Variants in RIMBP2 observed in about 807,000 individuals in gnomAD.
The protein encoded by RIMBP2 is RIMS-binding protein 2.
A neutral mutation model predicts 118.6 loss-of-function variants in RIMBP2; 48 were observed. The observed-to-expected ratio is 0.40, with a 90% CI of 0.32 to 0.51. The LOEUF (loss-of-function observed/expected upper bound fraction) is 0.51, where lower values mean the gene tolerates loss of function less well. Ranked by LOEUF, RIMBP2 falls within the 20% of genes least tolerant of loss-of-function variation. RIMBP2 has a pLI of 0.41. For missense variants in RIMBP2, 1,551 were observed against 1,768.3 expected (o/e 0.88, Z 2.20); for synonymous variants, 762 against 742.9 (o/e 1.03, Z -0.42).
At chr12:130,488,085 G>T (rs2082632678) in intron 4 of RIMBP2, among the ~76,000 whole-genome samples, 1 of 152,140 alleles carries the variant, frequency 6.6e-6, no homozygotes, top group South Asian at 2.1e-4. Context: ...TTGAGTGGAG[G>T]ATTCATCCTG....
At chr12:130,708,319 C>A (rs182679025) in intron 1 of RIMBP2, among the ~76,000 whole-genome samples, 1 of 152,292 alleles carries the variant, frequency 6.6e-6, no homozygotes, top group East Asian at 1.9e-4. Flanking sequence ...GGTTGCACAA[C>A]TCTGAATATA....
intron 13 of RIMBP2, among the ~76,000 whole-genome samples, chr12:130,435,553 A>G (rs1257401113): frequency 6.6e-6 from 1 of 152,108 alleles, no homozygotes; most frequent in Non-Finnish European, 1.5e-5. Context: ...GCCGCATCCC[A>G]CAGGGCAGCT....
intron 3 of RIMBP2, among the ~76,000 whole-genome samples, chr12:130,512,158 C>G (rs2090231): frequency 0.62 from 94,635 of 152,084 alleles, 29,693 homozygotes; most frequent in South Asian, 0.74. Context: ...GCCCAGAAGA[C>G]AGCCTGGCAG....
chr12:130,578,621 T>C lies in RIMBP2; in HGVS notation c.-217+49701A>G, dbSNP rs770166195. Among the ~76,000 whole-genome samples the C allele has an allele frequency of 6.6e-6, 1 of 152,190 alleles. No homozygotes were observed. Among genetic ancestry groups the C allele is most frequent in the Non-Finnish European group, 1.5e-5 (1 of 68,032 alleles). On this transcript the variant is annotated intron_variant, in intron 2 of 22. Transcript: ENST00000690449. The surrounding 1 kb of genome is among the most constrained non-coding windows in gnomAD (Gnocchi z 4.1). ...TCTGCCTGAACAGGCTTCCCTTGGA[T>C]CTTCACGTTAGCTCATTCCTTGACA...
rs545252130 is a variant in RIMBP2, at chr12:130,615,849, G to T, written c.-217+12473C>A. On this transcript the variant is annotated intron_variant, in intron 2 of 22. Coordinates refer to ENST00000690449, the MANE Select transcript of RIMBP2 (RefSeq NM_001393629.1). Reference sequence around the variant, plus strand: ...GACAGGCATTTTCCTGTGGTGGTTGGCACCGGTTTCAAACGTCTGCCATCA... The same window carrying T: ...GACAGGCATTTTCCTGTGGTGGTTGTCACCGGTTTCAAACGTCTGCCATCA... 8.5e-5 allele frequency among the ~76,000 whole-genome samples: 13 copies of T among 152,222 alleles called. No individual in the cohort carries two copies. The South Asian group carries it at 2.7e-3, about 32-fold the overall frequency.
At chr12:130,657,433 G>A in intron 1 of RIMBP2, among the ~76,000 whole-genome samples, 1 of 152,244 alleles carries the variant, frequency 6.6e-6, no homozygotes, top group Non-Finnish European at 1.5e-5. Flanking sequence ...CCAGCCGGAA[G>A]CAGGCCCCGG....
chr12:130,635,837 A>G (rs1399384466), intron 1 of RIMBP2, among the ~76,000 whole-genome samples: 1 of 150,876 alleles, frequency 6.6e-6, no homozygotes, highest in East Asian at 1.9e-4. Context: ...ACCCTTCCCC[A>G]CTCTACATTC....
At chr12:130,519,747 G>T (rs188676564) in intron 2 of RIMBP2, among the ~76,000 whole-genome samples, 1 of 152,314 alleles carries the variant, frequency 6.6e-6, no homozygotes, top group South Asian at 2.1e-4. Context: ...TGAAATAGGG[G>T]TTAGATTATG....
chr12:130,457,146 CAG>C (rs1229313197), intron 6 of RIMBP2, among the ~76,000 whole-genome samples: 1 of 152,202 alleles, frequency 6.6e-6, no homozygotes, highest in Non-Finnish European at 1.5e-5. Context: ...GGCCCAGACT[CAG>C]GGGAGCAGCT....
intron 1 of RIMBP2, among the ~76,000 whole-genome samples, chr12:130,668,738 G>T (rs548597589): frequency 6.6e-6 from 1 of 152,282 alleles, no homozygotes; most frequent in South Asian, 2.1e-4. Flanking sequence ...TGCCCTCAGG[G>T]TTAGCAGCTT....
chr12:130,585,534 C>A (rs985173848), intron 2 of RIMBP2, among the ~76,000 whole-genome samples: 1 of 151,380 alleles, frequency 6.6e-6, no homozygotes, highest in Non-Finnish European at 1.5e-5. Flanking sequence ...ACTGCTTGAG[C>A]CCAGTTGGGG....
intron 1 of RIMBP2, among the ~76,000 whole-genome samples, chr12:130,636,365 T>A (rs1482645981): frequency 6.6e-6 from 1 of 152,180 alleles, no homozygotes; most frequent in African/African-American, 2.4e-5. Context: ...TAGAACCACG[T>A]GGAGATTGGC....
intron 1 of RIMBP2, among the ~76,000 whole-genome samples, chr12:130,700,524 A>T (rs891677495): frequency 6.6e-6 from 1 of 152,100 alleles, no homozygotes; most frequent in Non-Finnish European, 1.5e-5. Flanking sequence ...CCTTCTGGAG[A>T]TGGAGAAGGC....
chr12:130,468,253 C>A (rs1269674354), intron 6 of RIMBP2, among the ~76,000 whole-genome samples: 34 of 152,242 alleles, frequency 2.2e-4, no homozygotes. Flanking sequence ...AAAATACTCT[C>A]TGCTTCCCAG....
intron 1 of RIMBP2, among the ~76,000 whole-genome samples, chr12:130,632,971 C>T (rs537013548): frequency 1.3e-5 from 2 of 152,282 alleles, no homozygotes; most frequent in South Asian, 2.1e-4. Context: ...ATCTTCCTCA[C>T]GGAGCACAGG....
intron 2 of RIMBP2, among the ~76,000 whole-genome samples, chr12:130,589,251 A>G (rs182634335): frequency 6.6e-6 from 1 of 152,378 alleles, no homozygotes; most frequent in Non-Finnish European, 1.5e-5. Context: ...AGATTCTTAC[A>G]TACAAACACA....
Position 130,470,490 on chromosome 12 carries a change from T to G in RIMBP2, c.153+203A>C, listed in dbSNP as rs780392513. ...GCTGCTTAACCTCTCTGTGCCTCAG[T>G]TTCCCTGTAAGAACGGACCTGGTCC... On this transcript the variant is annotated intron_variant, in intron 6 of 22. Transcript: ENST00000690449. The G allele has an allele frequency of 2.0e-5, 8 of 390,694 alleles. No homozygotes were observed. The East Asian group carries it at 2.9e-4, about 14-fold the overall frequency. 24.2% of individuals were successfully genotyped at this position (390,694 alleles called of 1,614,324 possible). A position where few individuals can be genotyped will look rare whatever the true frequency, so the allele number is the denominator to read the frequency against.
intron 1 of RIMBP2, among the ~76,000 whole-genome samples, chr12:130,645,914 T>C (rs2062852868): frequency 6.6e-6 from 1 of 152,182 alleles, no homozygotes; most frequent in South Asian, 2.1e-4. Flanking sequence ...TAAAGCTCTT[T>C]TCAGTTACTA....
chr12:130,416,804 T>C (rs774423848), intron 17 of RIMBP2, among the ~76,000 whole-genome samples: 5 of 152,216 alleles, frequency 3.3e-5, no homozygotes, highest in Middle Eastern at 3.4e-3. Flanking sequence ...GAGAAAATAT[T>C]TGCAAATTGT....
Sources: allele counts gnomAD v4.1 joint callset (sites outside exome capture counted in the v4.1 genomes callset), GRCh38; gene constraint gnomAD v4.1.1; non-coding constraint Gnocchi (gnomAD v3.1); transcripts MANE v1.5; gene names NCBI Gene and HGNC (gene_info 2026-07-23, HGNC 2026-07-21).